The following PDE10A variants were observed in gnomAD, a reference collection of about 807,000 sequenced individuals.
The protein encoded by PDE10A is cAMP and cAMP-inhibited cGMP 3',5'-cyclic phosphodiesterase 10A.
Under a neutral mutation model 97.7 loss-of-function variants are expected in PDE10A, and 39 were observed. That is an observed-to-expected ratio of 0.40 (90% CI 0.31 to 0.52). The LOEUF (loss-of-function observed/expected upper bound fraction) is 0.52, where lower values mean the gene tolerates loss of function less well. PDE10A is among the 20% of genes least tolerant of loss of function. The probability of loss-of-function intolerance (pLI) is 0.56; values close to 1 mark genes in which losing one functional copy is unlikely to be tolerated. For synonymous variants in PDE10A, 371 were observed against 376.8 expected, an observed-to-expected ratio of 0.98 and a Z score of 0.18; for missense variants, 731 against 1,047.8, an observed-to-expected ratio of 0.70 and a Z score of 4.17.
At chr6:165,976,794 G>C (rs1035565646) in intron 1 of PDE10A, among the ~76,000 whole-genome samples, 3 of 152,216 alleles carry the variant, frequency 2.0e-5, no homozygotes, top group Non-Finnish European at 4.4e-5. Context: ...ACTGACAGCT[G>C]TTCCTGGGCT....
intron 1 of PDE10A, among the ~76,000 whole-genome samples, chr6:165,872,357 T>TATAC (rs1205565376): frequency 6.6e-6 from 1 of 152,166 alleles, no homozygotes; most frequent in African/African-American, 2.4e-5. Flanking sequence ...AGTGACTGAA[T>TATAC]ATACCCCCAT....
chr6:165,617,985 C>A (rs1395088985), intron 1 of PDE10A, among the ~76,000 whole-genome samples: 1 of 152,032 alleles, frequency 6.6e-6, no homozygotes. Context: ...CAGCTTAAGG[C>A]CAGGAGTTCA....
At chr6:165,980,755 A>G (rs1039875848) in intron 1 of PDE10A, among the ~76,000 whole-genome samples, 1 of 152,178 alleles carries the variant, frequency 6.6e-6, no homozygotes, top group East Asian at 1.9e-4. Flanking sequence ...ATGTGTGTAT[A>G]ATATACTTGC....
intron 1 of PDE10A, among the ~76,000 whole-genome samples, chr6:165,706,996 C>T (rs1186314067): frequency 2.0e-5 from 3 of 152,118 alleles, no homozygotes; most frequent in Admixed American, 6.5e-5. Context: ...CCCAGTAAGC[C>T]TGTCTAAGAA....
At chr6:165,354,328 A>T (rs1782887979) in intron 18 of PDE10A, among the ~76,000 whole-genome samples, 1 of 152,210 alleles carries the variant, frequency 6.6e-6, no homozygotes. Flanking sequence ...TCCTGAATAA[A>T]GAACAACCAG....
chr6:165,715,976 G>T (rs1312863128), intron 1 of PDE10A, among the ~76,000 whole-genome samples: 2 of 152,092 alleles, frequency 1.3e-5, no homozygotes, highest in African/African-American at 4.8e-5. Context: ...CAGGCTTTTT[G>T]CCCACGGAAG....
chr6:165,858,043 G>C (rs75158443), intron 1 of PDE10A, among the ~76,000 whole-genome samples: 6,410 of 152,260 alleles, frequency 0.042, 163 homozygotes, highest in Middle Eastern at 0.078. Context: ...TGCAAGTAAT[G>C]TTAGTTATCA....
rs190571020 is a variant in PDE10A at position 165,735,864 on chromosome 6, G to A, written c.-614-192296C>T. Among the ~76,000 whole-genome samples the A allele has an allele frequency of 1.4e-4, 22 of 152,358 alleles. No homozygotes were observed. The East Asian group carries it at 3.7e-3, about 25-fold the overall frequency. The stretch of plus-strand genomic sequence containing the variant: ...TTGACACATAAAATTAACTGTCACA[G>A]ATTCCTTATTTGTGAAATTATGAAT... On this transcript the variant is annotated intron_variant, in intron 1 of 19. Transcript: ENST00000366882.
intron 5 of PDE10A, among the ~76,000 whole-genome samples, chr6:165,442,525 T>G (rs1236499324): frequency 6.6e-6 from 1 of 151,658 alleles, no homozygotes; most frequent in Non-Finnish European, 1.5e-5. Context: ...GAAGAGGGAG[T>G]GCAAGGCGGG....
intron 1 of PDE10A, among the ~76,000 whole-genome samples, chr6:165,622,290 G>T (rs1340045706): frequency 6.6e-6 from 1 of 151,278 alleles, no homozygotes. Context: ...GTGTGTGTGT[G>T]TGTGTATGTG....
intron 1 of PDE10A, among the ~76,000 whole-genome samples, chr6:165,684,938 G>T (rs1185713511): frequency 6.6e-6 from 1 of 152,174 alleles, no homozygotes; most frequent in Non-Finnish European, 1.5e-5. Context: ...ACGTCGACTT[G>T]ACTTCCTTAA....
In PDE10A at chr6:165,418,332, G is replaced by A. The variant is rs946009368; in HGVS notation, c.1796+303C>T. Among the ~76,000 whole-genome samples, 12 of 152,108 alleles carry A rather than the reference G, an allele frequency of 7.9e-5. No homozygotes were observed. Among genetic ancestry groups the A allele is most frequent in the African/African-American group, 2.9e-4 (12 of 41,428 alleles). On this transcript the variant is annotated intron_variant, in intron 11 of 21. Coordinates refer to ENST00000539869, the MANE Select transcript of PDE10A (RefSeq NM_001385079.1). The surrounding 1 kb of genome is among the most constrained non-coding windows in gnomAD (Gnocchi z 4.8). ...ACATGGGAAAACCTGCAGATTCCAG[G>A]TGGAGTGTACCTTTACCTACCTGGG... is the stretch of plus-strand genomic sequence containing the variant.
intron 17 of PDE10A, among the ~76,000 whole-genome samples, chr6:165,386,309 C>T (rs2128211517): frequency 6.6e-6 from 1 of 152,282 alleles, no homozygotes; most frequent in East Asian, 1.9e-4. Context: ...ATTTATTATT[C>T]TGCTCAGGGG....
chr6:165,863,014 T>C (rs1780950130), intron 1 of PDE10A, among the ~76,000 whole-genome samples: 1 of 152,266 alleles, frequency 6.6e-6, no homozygotes, highest in Non-Finnish European at 1.5e-5. Flanking sequence ...TTTACAATTC[T>C]TGAATTGGAG....
chr6:165,707,037 T>C (rs1791727042), intron 1 of PDE10A, among the ~76,000 whole-genome samples: 1 of 152,210 alleles, frequency 6.6e-6, no homozygotes, highest in South Asian at 2.1e-4. Flanking sequence ...AATCCAAAAG[T>C]TTGTTTTTAA....
chr6:165,473,187 T>C (rs1288687153), intron 3 of PDE10A, among the ~76,000 whole-genome samples: 4 of 152,102 alleles, frequency 2.6e-5, no homozygotes, highest in Non-Finnish European at 5.9e-5. Context: ...TATAGCATAG[T>C]AAAAAACAGA....
At chr6:165,712,143 G>A (rs1305675342) in intron 1 of PDE10A, among the ~76,000 whole-genome samples, 1 of 152,138 alleles carries the variant, frequency 6.6e-6, no homozygotes, top group African/African-American at 2.4e-5. Context: ...GTGGTGTGGA[G>A]GAGGAAAAGG....
At chr6:165,974,957 G>C (rs1321572118) in intron 1 of PDE10A, among the ~76,000 whole-genome samples, 1 of 152,126 alleles carries the variant, frequency 6.6e-6, no homozygotes, top group Non-Finnish European at 1.5e-5. Context: ...ATTTTGGCTG[G>C]GTTAACCGGG....
chr6:165,796,959 T>C (rs1473815087), intron 1 of PDE10A, among the ~76,000 whole-genome samples: 1 of 152,248 alleles, frequency 6.6e-6, no homozygotes, highest in Non-Finnish European at 1.5e-5. Flanking sequence ...CTGTATTTCC[T>C]GTATTCTGGA....
Sources: gnomAD v4.1 joint callset for allele counts (sites outside exome capture counted in the v4.1 genomes callset) on GRCh38, gnomAD v4.1.1 for gene constraint, Gnocchi (gnomAD v3.1) non-coding constraint, MANE v1.5 for transcripts, NCBI Gene and HGNC (gene_info 2026-07-23, HGNC 2026-07-21) for gene names.